Variants in ARHGEF33 observed in about 807,000 individuals in gnomAD.
ARHGEF33 encodes DH and coiled-coil domain-containing protein ENSP00000381780.
Under a neutral mutation model 101.9 loss-of-function variants are expected in ARHGEF33, and 72 were observed. The ratio of observed to expected loss-of-function variants is 0.71; its 90% CI spans 0.58 to 0.86. ARHGEF33 has a LOEUF of 0.86. ARHGEF33 is among the 40% of genes least tolerant of loss of function. ARHGEF33 has a pLI of 0.00. For synonymous variants in ARHGEF33, 499 were observed against 442.5 expected, an observed-to-expected ratio of 1.13 and a Z score of -1.60; for missense variants, 1,169 against 1,111.3, an observed-to-expected ratio of 1.05 and a Z score of -0.74.
In ARHGEF33 at chr2:38,937,462, A is replaced by C. The variant is rs868183469; in HGVS notation, c.693A>C (p.Glu231Asp). 28 of 1,550,460 alleles carry C rather than the reference A, an allele frequency of 1.8e-5. No homozygotes were observed. In the African/African-American group the frequency reaches 2.9e-4, roughly 16 times the overall value. Residue 231 changes from glutamate (E) to aspartate (D), a missense_variant, in exon 9 of 18, where the codon GAA (glutamate) becomes GAC (aspartate). Physicochemically the swap from Glu to Asp is conservative, Grantham distance 45. Transcript: ENST00000409978. Reference sequence around the variant, plus strand: ...CTAAGGATGGTAAAGAATGGGGTGAAGAATACGTCACAAAAGACCACCCAG... The same window carrying C: ...CTAAGGATGGTAAAGAATGGGGTGACGAATACGTCACAAAAGACCACCCAG... Reference protein sequence around the residue: ...RQPKDGKEWGEEYVTKDHPDK... With the variant: ...RQPKDGKEWGDEYVTKDHPDK...
chr2:38,919,211 C>G (rs1666703399), intron 2 of ARHGEF33, among the ~76,000 whole-genome samples, 152 bp from the exon 3 acceptor site: 1 of 152,168 alleles, frequency 6.6e-6, no homozygotes, highest in African/African-American at 2.4e-5. Context: ...TACCTTTATG[C>G]TAAATGTGTA....
At chr2:38,902,994 T>C (rs1440818553) in intron 2 of ARHGEF33, among the ~76,000 whole-genome samples, 2 of 152,130 alleles carry the variant, frequency 1.3e-5, no homozygotes, top group Non-Finnish European at 2.9e-5. Flanking sequence ...TAGGATATTG[T>C]AAATTTGGGA....
intron 1 of ARHGEF33, among the ~76,000 whole-genome samples, chr2:38,893,280 A>C (rs1348291908): frequency 6.6e-6 from 1 of 151,458 alleles, no homozygotes; most frequent in Non-Finnish European, 1.5e-5. Context: ...CTCCTGCCTC[A>C]GCCTCCTGAG....
rs1230156015 is a variant in ARHGEF33, at chr2:38,958,046, G to A, written c.1383G>A (p.Ala461=). Residue 461 remains alanine (A), a synonymous_variant, in exon 15 of 18, where the codon GCG becomes GCA. Coordinates refer to ENST00000409978, the MANE Select transcript of ARHGEF33 (RefSeq NM_001145451.5). ...TCCATTCTGTTAGGTCATCCATGGCGAAGCTGTACAAAGGGCTGGCTTCCC... is the reference window on the plus strand; with the variant it reads ...TCCATTCTGTTAGGTCATCCATGGCAAAGCTGTACAAAGGGCTGGCTTCCC... The part of the protein sequence containing the change: ...KRKKLKKSSM[A]KLYKGLASQC... 13 of 1,552,254 alleles carry A rather than the reference G, an allele frequency of 8.4e-6. No individual in the cohort carries two copies. Among genetic ancestry groups the A allele is most frequent in the East Asian group, 4.9e-5 (2 of 40,922 alleles).
chr2:38,894,931 G>A (rs1372689736), intron 1 of ARHGEF33, among the ~76,000 whole-genome samples: 1 of 151,692 alleles, frequency 6.6e-6, no homozygotes, highest in Non-Finnish European at 1.5e-5. Flanking sequence ...ACAGCATTAT[G>A]TACAAAAGTA....
intron 2 of ARHGEF33, among the ~76,000 whole-genome samples, chr2:38,917,336 C>T (rs1311812004): frequency 6.6e-6 from 1 of 152,034 alleles, no homozygotes; most frequent in Non-Finnish European, 1.5e-5. Context: ...AAGTGATCCG[C>T]CCACCTCAGC....
At chr2:38,921,493 C>G in intron 4 of ARHGEF33, 70 bp downstream of exon 4, 6 of 1,077,588 alleles carry the variant, frequency 5.6e-6, no homozygotes, top group Non-Finnish European at 8.4e-6. Flanking sequence ...TTTATGTGTA[C>G]ACGTTTTTAG....
At chr2:38,902,877 TA>T (rs1666280828) in intron 2 of ARHGEF33, among the ~76,000 whole-genome samples, 1 of 152,138 alleles carries the variant, frequency 6.6e-6, no homozygotes, top group Non-Finnish European at 1.5e-5. Flanking sequence ...AGATAGGGTA[TA>T]GAGGCCAGGA....
intron 15 of ARHGEF33, chr2:38,959,553 T>G: frequency 3.1e-6 from 1 of 323,220 alleles, no homozygotes; most frequent in Non-Finnish European, 5.7e-6. Context: ...GCACCGCAGG[T>G]GGTGAGGAGG....
chr2:38,927,620 C>T (rs941518651), intron 4 of ARHGEF33, among the ~76,000 whole-genome samples: 2 of 152,190 alleles, frequency 1.3e-5, no homozygotes, highest in Admixed American at 1.3e-4. Context: ...CACTTGAACC[C>T]AGAAGGTAGA....
chr2:38,954,552 C>A, intron 13 of ARHGEF33, 96 bp downstream of exon 13: 5 of 700,928 alleles, frequency 7.1e-6, no homozygotes, highest in East Asian at 5.9e-5. Context: ...CCTCAAGAAT[C>A]ATTAATATTT....
intron 2 of ARHGEF33, among the ~76,000 whole-genome samples, chr2:38,906,939 G>A (rs1318270544): frequency 1.3e-5 from 2 of 152,052 alleles, no homozygotes; most frequent in African/African-American, 4.8e-5. Flanking sequence ...GACAGAATGA[G>A]ACCCCCTGTC....
intron 2 of ARHGEF33, among the ~76,000 whole-genome samples, chr2:38,917,102 C>CTTTCTTTTTTTTTT (rs1666650903): frequency 7.7e-6 from 1 of 129,326 alleles, no homozygotes; most frequent in Non-Finnish European, 1.6e-5. Context: ...AACCGGTCTT[C>CTTTCTTTTTTTTTT]TTTTTTTGAG....
At position 38,909,492 on chromosome 2, in the gene ARHGEF33, CTT is replaced by C. The variant is rs768568418; in HGVS notation, c.-85-9854_-85-9853del. On this transcript the variant is annotated intron_variant, in intron 2 of 17. Transcript: ENST00000409978. ...GTGCACCACCACGACTGGCTAATTT[CTT>C]TTTTTTTTTTTTTTTTGTATTTTTT... Among the ~76,000 whole-genome samples, 8 of 117,386 alleles carry C rather than the reference CTT, an allele frequency of 6.8e-5. No individual in the cohort carries two copies. In the East Asian group the frequency reaches 7.5e-4, roughly 11 times the overall value. The allele number at this position is 117,386 out of a possible 152,430, so 77.0% of individuals were successfully genotyped here.
At chr2:38,971,050 G>C (rs760187607) in intron 17 of ARHGEF33, among the ~76,000 whole-genome samples, 7 of 152,132 alleles carry the variant, frequency 4.6e-5, no homozygotes, top group Middle Eastern at 3.2e-3. Context: ...CAACAGGATG[G>C]GTGTTTCCTT....
Position 38,928,970 on chromosome 2 carries a change from A to C in ARHGEF33, c.139A>C (p.Ile47Leu), listed in dbSNP as rs1463539300. 1 of 1,551,562 alleles carries C rather than the reference A, an allele frequency of 6.4e-7. No homozygotes were observed. Among genetic ancestry groups the C allele is most frequent in the Non-Finnish European group, 8.7e-7 (1 of 1,146,896 alleles). Reference protein sequence around the residue: ...FTEAMQELSRIQHGEYALEEK... With the variant: ...FTEAMQELSRLQHGEYALEEK... ...AGAAGCAATGCAAGAACTGTCAAGA[A>C]TTCAACATGGAGAATATGCTTTGGA... Residue 47 changes from isoleucine (I) to leucine (L), a missense_variant, in exon 5 of 18, where the codon ATT becomes CTT. Coordinates refer to ENST00000409978, the MANE Select transcript of ARHGEF33 (RefSeq NM_001145451.5).
chr2:38,934,751 C>T (rs940548347), intron 7 of ARHGEF33, among the ~76,000 whole-genome samples: 1 of 151,322 alleles, frequency 6.6e-6, no homozygotes, highest in African/African-American at 2.4e-5. Flanking sequence ...AAATTCCAGC[C>T]TTCATGGAGA....
Position 38,959,963 on chromosome 2 carries a change from T to C in ARHGEF33, c.1658T>C (p.Leu553Pro), listed in dbSNP as rs1200526399. Residue 553 changes from leucine to proline, a missense_variant, in exon 16 of 18, where the codon CTG becomes CCG. By Grantham distance (98) the Leu-to-Pro change is moderately conservative (BLOSUM62 -3). Transcript: ENST00000409978. ...AAGCACGAGCGGCCCGAGAGCCTTC[T>C]GGCACCGACGCAGTTCTGCGCGGCC... ...GRKHERPESL[L>P]APTQFCAAEQ... 5 of 1,551,334 alleles carry C rather than the reference T, an allele frequency of 3.2e-6. No homozygotes were observed. The highest frequency in any genetic ancestry group is 2.0e-5 in the Admixed American group (1 of 51,012).
intron 4 of ARHGEF33, 85 bp downstream of exon 4, chr2:38,921,508 C>G: frequency 3.3e-6 from 3 of 921,956 alleles, no homozygotes; most frequent in Non-Finnish European, 5.2e-6. Context: ...TTTTAGCACT[C>G]ACAAGTGCTT....
Sources: gnomAD v4.1 joint callset for allele counts (sites outside exome capture counted in the v4.1 genomes callset) on GRCh38, gnomAD v4.1.1 for gene constraint, MANE v1.5 for transcripts, NCBI Gene and HGNC (gene_info 2026-07-23, HGNC 2026-07-21) for gene names.